Variants in NXPE4 observed in about 807,000 individuals in gnomAD.
The protein encoded by NXPE4 is NXPE family member 4.
In NXPE4, 42 loss-of-function variants were observed where a neutral mutation model predicts 33.3. The ratio of observed to expected loss-of-function variants is 1.26; its 90% CI spans 0.98 to 1.63. The LOEUF is 1.63. Among genes scored for constraint, NXPE4 ranks in the 40% most tolerant of loss-of-function variants. NXPE4 has a pLI of 0.00. For synonymous variants in NXPE4, 253 were observed against 234.9 expected (o/e 1.08, Z -0.71); for missense variants, 709 against 647.6 (o/e 1.09, Z -1.03).
chr11:114,612,349 G>T, the NXPE4 span, among the ~76,000 whole-genome samples: 1 of 151,752 alleles, frequency 6.6e-6, no homozygotes, highest in Non-Finnish European at 1.5e-5. Flanking sequence ...GTACTGCCTC[G>T]TGGGTAACCA....
the NXPE4 span, among the ~76,000 whole-genome samples, chr11:114,647,561 T>C: frequency 1.2e-4 from 19 of 152,204 alleles, 1 homozygote; most frequent in African/African-American, 1.4e-4. Flanking sequence ...TTTGGAAATG[T>C]GTCACTACTA....
chr11:114,580,132 T>C lies in NXPE4; in HGVS notation c.1099A>G (p.Thr367Ala). Residue 367 changes from threonine (T) to alanine (A), a missense_variant and splice_region_variant, in exon 5 of 6, where the codon ACA (threonine) becomes GCA (alanine). Physicochemically the swap from Thr to Ala is moderately conservative, Grantham distance 58. Transcript: ENST00000375478. ...WMEYFKASIN[T>A]LKSVDLHESG... ...AATTATAGCTTAGACTGAGGCATAC[T>C]GTTGATACTGGCTTTGAAGTATTCC... The C allele has an allele frequency of 1.2e-6, 2 of 1,612,014 alleles. No homozygotes were observed. The highest frequency in any genetic ancestry group is 1.7e-6 in the Non-Finnish European group (2 of 1,178,046).
chr11:114,658,764 G>T, the NXPE4 span, among the ~76,000 whole-genome samples: 1 of 152,116 alleles, frequency 6.6e-6, no homozygotes, highest in Non-Finnish European at 1.5e-5. Flanking sequence ...TGGAGAAGAG[G>T]ACAGGATCAC....
chr11:114,612,014 T>C, the NXPE4 span, among the ~76,000 whole-genome samples: 1 of 151,740 alleles, frequency 6.6e-6, no homozygotes, highest in East Asian at 1.9e-4. Context: ...TCATGCCTCA[T>C]GGGTAACCAC....
the NXPE4 span, among the ~76,000 whole-genome samples, chr11:114,617,358 C>T: frequency 7.3e-4 from 111 of 152,068 alleles, no homozygotes; most frequent in Middle Eastern, 0.014. Flanking sequence ...ATAAGTATTA[C>T]GTCATTGGTA....
chr11:114,663,609 CT>C, the NXPE4 span, among the ~76,000 whole-genome samples: 1 of 98,314 alleles, frequency 1.0e-5, no homozygotes, highest in Admixed American at 1.1e-4. Context: ...ATCTATCTAT[CT>C]ATCTATCTAT....
At chr11:114,628,820 T>C in the NXPE4 span, among the ~76,000 whole-genome samples, 5 of 151,238 alleles carry the variant, frequency 3.3e-5, no homozygotes, top group African/African-American at 4.9e-5. Flanking sequence ...ATAGACGCAA[T>C]AAAAAATGAT....
intron 5 of NXPE4, among the ~76,000 whole-genome samples, chr11:114,575,320 T>C (rs1948972573): frequency 6.6e-6 from 1 of 152,020 alleles, no homozygotes; most frequent in African/African-American, 2.4e-5. Flanking sequence ...ATCTTCAACA[T>C]AGTACTGGAA....
chr11:114,639,823 AAT>A, the NXPE4 span, among the ~76,000 whole-genome samples: 2 of 118,770 alleles, frequency 1.7e-5, no homozygotes, highest in Admixed American at 1.0e-4. Flanking sequence ...TATAAAATAT[AAT>A]ATATATTATA....
the NXPE4 span, among the ~76,000 whole-genome samples, chr11:114,617,658 G>A: frequency 6.6e-6 from 1 of 151,534 alleles, no homozygotes; most frequent in Non-Finnish European, 1.5e-5. Flanking sequence ...GTTGCCTCTA[G>A]GGTAACCACT....
At chr11:114,636,969 T>C in the NXPE4 span, among the ~76,000 whole-genome samples, 4 of 152,288 alleles carry the variant, frequency 2.6e-5, no homozygotes, top group African/African-American at 9.6e-5. Flanking sequence ...TCTGTAGATG[T>C]CTATTAGGTC....
chr11:114,645,869 G>T, the NXPE4 span, among the ~76,000 whole-genome samples: 10 of 152,224 alleles, frequency 6.6e-5, no homozygotes, highest in South Asian at 2.1e-3. Context: ...ATTATAATTT[G>T]TTGATAAGTA....
At chr11:114,602,274 T>C in the NXPE4 span, among the ~76,000 whole-genome samples, 1 of 118,776 alleles carries the variant, frequency 8.4e-6, no homozygotes, top group Non-Finnish European at 1.6e-5. Flanking sequence ...ATATATATTA[T>C]ACTATATATA....
the NXPE4 span, among the ~76,000 whole-genome samples, chr11:114,650,154 C>T: frequency 6.6e-6 from 1 of 152,046 alleles, no homozygotes; most frequent in Non-Finnish European, 1.5e-5. Flanking sequence ...GACCAAATGG[C>T]CGGAATTCTA....
chr11:114,647,902 A>G, the NXPE4 span, among the ~76,000 whole-genome samples: 1 of 152,066 alleles, frequency 6.6e-6, no homozygotes, highest in Admixed American at 6.6e-5. Context: ...AGGTTTCACC[A>G]TCTTGCCCAG....
the NXPE4 span, among the ~76,000 whole-genome samples, chr11:114,640,748 GTCT>G: frequency 6.6e-6 from 1 of 151,860 alleles, no homozygotes; most frequent in Non-Finnish European, 1.5e-5. Flanking sequence ...GTGTTTGTAT[GTCT>G]TCTTTTGAAA....
At chr11:114,620,539 G>A in the NXPE4 span, among the ~76,000 whole-genome samples, 1 of 151,854 alleles carries the variant, frequency 6.6e-6, no homozygotes, top group Non-Finnish European at 1.5e-5. Flanking sequence ...TAGATAATAA[G>A]TGTTGCCTCT....
At chr11:114,600,260 G>A (rs1949621939), upstream of NXPE4, among the ~76,000 whole-genome samples, 2 of 152,070 alleles carry the variant, frequency 1.3e-5, no homozygotes, top group African/African-American at 4.8e-5. Context: ...CCAGTAAGAA[G>A]ACATATCTTG....
chr11:114,609,657 G>A, the NXPE4 span, among the ~76,000 whole-genome samples: 21 of 135,352 alleles, frequency 1.6e-4, no homozygotes, highest in African/African-American at 5.5e-4. Context: ...CGTGGGTAAC[G>A]ACTATTACCC....
Sources: gnomAD v4.1 joint callset for allele counts (sites outside exome capture counted in the v4.1 genomes callset) on GRCh38, gnomAD v4.1.1 for gene constraint, MANE v1.5 for transcripts, NCBI Gene and HGNC (gene_info 2026-07-23, HGNC 2026-07-21) for gene names.